ADAM12: variants seen among roughly 807,000 people sequenced by gnomAD.
ADAM12 encodes disintegrin and metalloproteinase domain-containing protein 12.
ADAM12 carries 70 observed loss-of-function variants against 106.4 expected under a neutral mutation model. The observed-to-expected ratio is 0.66, with a 90% CI of 0.54 to 0.80. The LOEUF is 0.80. Among genes scored for constraint, ADAM12 ranks in the 30% least tolerant of loss-of-function variants. The probability of loss-of-function intolerance (pLI) is 0.00; values close to 1 mark genes in which losing one functional copy is unlikely to be tolerated. For synonymous variants in ADAM12, 420 were observed against 433.5 expected, an observed-to-expected ratio of 0.97 and a Z score of 0.39; for missense variants, 1,010 against 1,171.9, an observed-to-expected ratio of 0.86 and a Z score of 2.02.
chr10:126,034,530 CAG>C (rs1954024640), intron 21 of ADAM12, among the ~76,000 whole-genome samples: 1 of 152,032 alleles, frequency 6.6e-6, no homozygotes, highest in South Asian at 2.1e-4. Context: ...AGAGAACAAA[CAG>C]AATAATATTA....
intron 3 of ADAM12, among the ~76,000 whole-genome samples, chr10:126,239,444 A>G (rs1958481049): frequency 6.6e-6 from 1 of 152,158 alleles, no homozygotes; most frequent in African/African-American, 2.4e-5. Context: ...TCTGTCTTGG[A>G]TTTTTAACCC....
chr10:126,309,655 G>A (rs889681972), intron 2 of ADAM12, among the ~76,000 whole-genome samples: 5 of 152,198 alleles, frequency 3.3e-5, no homozygotes, highest in Non-Finnish European at 7.3e-5. Context: ...ATTCTTGGGA[G>A]TTGGCTCTGT....
At chr10:126,315,796 C>A (rs532438280) in intron 2 of ADAM12, among the ~76,000 whole-genome samples, 1 of 152,154 alleles carries the variant, frequency 6.6e-6, no homozygotes, top group Admixed American at 6.5e-5. Flanking sequence ...TTTTCCACAG[C>A]AGATCCAGAC....
At chr10:126,279,262 A>T (rs1040130099) in intron 2 of ADAM12, among the ~76,000 whole-genome samples, 1 of 150,658 alleles carries the variant, frequency 6.6e-6, no homozygotes, top group African/African-American at 2.5e-5. Context: ...ACAAAAAGTA[A>T]AAATAAAAAA....
At chr10:126,320,488 A>C (rs1442152443) in intron 2 of ADAM12, among the ~76,000 whole-genome samples, 2 of 152,174 alleles carry the variant, frequency 1.3e-5, no homozygotes, top group Non-Finnish European at 2.9e-5. Context: ...AAAAATCTGA[A>C]CTTTACATTT....
rs1590287029 is a variant in ADAM12 at position 126,016,466 on chromosome 10, A to C, written c.*813T>G. On this transcript the variant is annotated 3_prime_UTR_variant, in exon 23 of 23. Coordinates refer to ENST00000448723, the MANE Select transcript of ADAM12 (RefSeq NM_001288973.2). ...AACACCACCTTTCCCAAGCTAAATAACCTACTGGTGGCAGTGCTCTAGAAA... is the reference window on the plus strand; with the variant it reads ...AACACCACCTTTCCCAAGCTAAATACCCTACTGGTGGCAGTGCTCTAGAAA... 1 of 152,328 alleles carries C rather than the reference A, an allele frequency of 6.6e-6. No homozygotes were observed. Among genetic ancestry groups the C allele is most frequent in the East Asian group, 1.9e-4 (1 of 5,172 alleles). 9.4% of individuals were successfully genotyped at this position (152,328 alleles called of 1,614,324 possible).
At chr10:126,021,327 A>G (rs1748032912) in intron 21 of ADAM12, among the ~76,000 whole-genome samples, 1 of 152,222 alleles carries the variant, frequency 6.6e-6, no homozygotes, top group African/African-American at 2.4e-5. Context: ...ACTTGAGTTG[A>G]ATTTCTCTCA....
intron 3 of ADAM12, among the ~76,000 whole-genome samples, chr10:126,224,795 C>A (rs775067236): frequency 4.6e-5 from 7 of 152,216 alleles, no homozygotes; most frequent in Admixed American, 4.6e-4. Context: ...GGAAGGGACA[C>A]AGGAGAGGGG....
At chr10:126,217,275 T>A (rs1210850044) in intron 3 of ADAM12, among the ~76,000 whole-genome samples, 5 of 151,804 alleles carry the variant, frequency 3.3e-5, no homozygotes, top group African/African-American at 1.2e-4. Context: ...TGAGAAAAAA[T>A]AATCAGTCCC....
At chr10:126,335,210 C>T (rs1854656238) in intron 1 of ADAM12, among the ~76,000 whole-genome samples, 1 of 152,152 alleles carries the variant, frequency 6.6e-6, no homozygotes, top group Non-Finnish European at 1.5e-5. Flanking sequence ...CCTCCTAAGC[C>T]ACCCAGTGGG....
intron 21 of ADAM12, among the ~76,000 whole-genome samples, chr10:126,021,813 T>C (rs1953773044): frequency 6.6e-6 from 1 of 152,184 alleles, no homozygotes; most frequent in Admixed American, 6.5e-5. Context: ...CCATGAGTGT[T>C]AGCTGCTGCT....
intron 1 of ADAM12, among the ~76,000 whole-genome samples, chr10:126,352,649 A>T (rs1855402474): frequency 6.6e-6 from 1 of 152,300 alleles, no homozygotes; most frequent in East Asian, 1.9e-4. Context: ...CAGGCGCTTG[A>T]CAGTTTACAA....
intron 3 of ADAM12, among the ~76,000 whole-genome samples, chr10:126,253,631 AG>A (rs1958828922): frequency 6.6e-6 from 1 of 152,174 alleles, no homozygotes; most frequent in South Asian, 2.1e-4. Flanking sequence ...CACCCCCCAG[AG>A]AAAACCCTGC....
chr10:126,315,273 C>T (rs1853817946), intron 2 of ADAM12, among the ~76,000 whole-genome samples: 1 of 152,158 alleles, frequency 6.6e-6, no homozygotes, highest in Non-Finnish European at 1.5e-5. Context: ...AGCTTCTGGA[C>T]ATTTATTTTA....
intron 3 of ADAM12, among the ~76,000 whole-genome samples, chr10:126,169,962 G>A (rs1465620676): frequency 6.6e-6 from 1 of 152,238 alleles, no homozygotes; most frequent in Non-Finnish European, 1.5e-5. Flanking sequence ...AGGGGGTCCT[G>A]CAAGATATCG....
At chr10:126,340,039 G>A (rs939162861) in intron 1 of ADAM12, among the ~76,000 whole-genome samples, 2 of 151,904 alleles carry the variant, frequency 1.3e-5, no homozygotes, top group South Asian at 4.2e-4. Flanking sequence ...ATTTTTAGTA[G>A]AGATGGGGTT....
At chr10:126,110,782 T>C (rs1407707201) in intron 6 of ADAM12, among the ~76,000 whole-genome samples, 1 of 152,194 alleles carries the variant, frequency 6.6e-6, no homozygotes, top group African/African-American at 2.4e-5. Context: ...AATAAAGCAG[T>C]TCGTGGAGGG....
chr10:126,155,377 G>T, intron 3 of ADAM12, 72 bp from the exon 4 acceptor site: 1 of 1,386,464 alleles, frequency 7.2e-7, no homozygotes, highest in Non-Finnish European at 1.0e-6. Flanking sequence ...GAATGTCTAG[G>T]CTATAGGGTA....
intron 3 of ADAM12, among the ~76,000 whole-genome samples, chr10:126,243,837 T>C (rs1958578223): frequency 6.6e-6 from 1 of 152,196 alleles, no homozygotes; most frequent in Non-Finnish European, 1.5e-5. Flanking sequence ...GGGCTTCTGA[T>C]TGTCGTGGGA....
Sources: gnomAD v4.1 joint callset for allele counts (sites outside exome capture counted in the v4.1 genomes callset) on GRCh38, gnomAD v4.1.1 for gene constraint, MANE v1.5 for transcripts, NCBI Gene and HGNC (gene_info 2026-07-23, HGNC 2026-07-21) for gene names.